Variants in HOMER2 observed in about 807,000 individuals in gnomAD.
HOMER2 encodes homer scaffold protein 2.
Under a neutral mutation model 47.0 loss-of-function variants are expected in HOMER2, and 27 were observed. That is an observed-to-expected ratio of 0.57 (90% confidence interval 0.42 to 0.79). HOMER2 has a LOEUF of 0.79. Ranked by LOEUF, HOMER2 falls within the 30% of genes least tolerant of loss-of-function variation. HOMER2 has a pLI of 0.00. For synonymous variants in HOMER2, 161 were observed against 163.8 expected, an observed-to-expected ratio of 0.98 and a Z score of 0.13; for missense variants, 443 against 435.0, an observed-to-expected ratio of 1.02 and a Z score of -0.16.
rs747626361 is a variant in HOMER2, at chr15:82,859,110, T to C, written c.413A>G (p.Asp138Gly). Residue 138 changes from aspartate (D) to glycine (G), a missense_variant, in exon 5 of 9, where the codon GAT (aspartate) becomes GGT (glycine). Transcript: ENST00000450735. ...SQASSVNGTD[D>G]EKASHAGPAN... ...TGGACCGGCGTGAGAGGCCTTTTCATCGTCCGTCCCGTTGACACTGGATGC... is the reference window on the plus strand; with the variant it reads ...TGGACCGGCGTGAGAGGCCTTTTCACCGTCCGTCCCGTTGACACTGGATGC... 23 of 1,613,900 alleles carry C rather than the reference T, an allele frequency of 1.4e-5. No individual in the cohort carries two copies. Among genetic ancestry groups the C allele is most frequent in the Non-Finnish European group, 1.9e-5 (22 of 1,179,890 alleles).
At chr15:82,980,806 C>T (rs2030366392) in intron 1 of HOMER2, among the ~76,000 whole-genome samples, 1 of 152,158 alleles carries the variant, frequency 6.6e-6, no homozygotes, top group Non-Finnish European at 1.5e-5. Flanking sequence ...CAACTTTTCC[C>T]TAGTGAACTT....
chr15:82,854,540 G>A (rs938713357), intron 6 of HOMER2, 104 bp downstream of exon 6: 42 of 1,251,616 alleles, frequency 3.4e-5, no homozygotes, highest in Non-Finnish European at 4.3e-5. Flanking sequence ...CTGGCCATGG[G>A]GATAAGGGCA....
intron 1 of HOMER2, among the ~76,000 whole-genome samples, chr15:82,938,627 C>T (rs559002788): frequency 2.0e-5 from 3 of 152,314 alleles, no homozygotes; most frequent in Admixed American, 6.5e-5. Flanking sequence ...GGTCCTTCTA[C>T]CCTGACTCAC....
chr15:82,915,679 A>T (rs943556617), intron 1 of HOMER2, among the ~76,000 whole-genome samples: 12 of 152,204 alleles, frequency 7.9e-5, no homozygotes, highest in Non-Finnish European at 7.3e-5. Context: ...TCAAATAAAT[A>T]GATAAATAAA....
chr15:82,945,221 A>T (rs889080816), intron 1 of HOMER2, among the ~76,000 whole-genome samples: 1 of 108,004 alleles, frequency 9.3e-6, no homozygotes, highest in Non-Finnish European at 1.8e-5. Context: ...AAAATGTCTT[A>T]AAAAAAAAAA....
intron 1 of HOMER2, among the ~76,000 whole-genome samples, chr15:82,929,383 C>T (rs1360148910): frequency 2.0e-5 from 3 of 152,042 alleles, no homozygotes; most frequent in Non-Finnish European, 4.4e-5. Flanking sequence ...AGGCCAGGCA[C>T]GGTGGCTCAC....
At chr15:82,963,473 G>A (rs1340501667) in intron 1 of HOMER2, among the ~76,000 whole-genome samples, 2 of 152,156 alleles carry the variant, frequency 1.3e-5, no homozygotes, top group Non-Finnish European at 2.9e-5. Flanking sequence ...AAAAGCACTA[G>A]AAGGAATAGA....
At chr15:82,896,122 T>C (rs1285559754) in intron 1 of HOMER2, among the ~76,000 whole-genome samples, 1 of 151,852 alleles carries the variant, frequency 6.6e-6, no homozygotes, top group Non-Finnish European at 1.5e-5. Flanking sequence ...ACAGGGTCTC[T>C]GGATGCAAAG....
intron 5 of HOMER2, among the ~76,000 whole-genome samples, chr15:82,858,285 TTC>T (rs546869538): frequency 8.2e-4 from 125 of 152,010 alleles, no homozygotes; most frequent in Middle Eastern, 3.4e-3. Context: ...ATGTTCAAAA[TTC>T]TTTTTTTTTT....
chr15:82,857,650 C>A (rs1179263169), intron 5 of HOMER2, among the ~76,000 whole-genome samples: 1 of 151,972 alleles, frequency 6.6e-6, no homozygotes, highest in African/African-American at 2.4e-5. Context: ...AGGCTGGTCT[C>A]GAACTCCTGA....
rs1176073764 is a variant in HOMER2, at chr15:82,864,143, T to G, written c.387+24A>C. The G allele has an allele frequency of 2.6e-6, 4 of 1,512,276 alleles. No homozygotes were observed. The Middle Eastern group carries it at 5.1e-4, about 194-fold the overall frequency. The allele number at this position is 1,512,276 out of a possible 1,614,324, so 93.7% of individuals were successfully genotyped here. On this transcript the variant is annotated intron_variant, in intron 4 of 8. Coordinates refer to ENST00000450735, the MANE Select transcript of HOMER2 (RefSeq NM_004839.4). ...TCCCTATCACCAACCCCACTGGGAT[T>G]TACTTCATAGACTAATGTCTTACTT...
chr15:82,871,558 A>C (rs1355907045), intron 3 of HOMER2, among the ~76,000 whole-genome samples: 1 of 152,132 alleles, frequency 6.6e-6, no homozygotes, highest in African/African-American at 2.4e-5. Flanking sequence ...TCCTTCAGAG[A>C]GCAGGGGAAG....
Position 82,868,523 on chromosome 15 carries a change from T to TTATA in HOMER2, c.295-4268_295-4265dup, listed in dbSNP as rs1244361918. Reference sequence around the variant, plus strand: ...AAGTTATATATATCACTTATTTATTTTATATATATATATATATATTTTTTT... The same window carrying TTATA: ...AAGTTATATATATCACTTATTTATTTTATATATATATATATATATATATTTTTTT... On this transcript the variant is annotated intron_variant, in intron 3 of 8. Transcript: ENST00000450735. Among the ~76,000 whole-genome samples, 220 of 36,630 alleles carry TTATA rather than the reference T, an allele frequency of 6.0e-3. 16 individuals carry two copies. Among genetic ancestry groups the TTATA allele is most frequent in the African/African-American group, 0.011 (101 of 8,878 alleles). 24.0% of individuals were successfully genotyped at this position (36,630 alleles called of 152,430 possible). A position where few individuals can be genotyped will look rare whatever the true frequency, so the allele number is the denominator to read the frequency against.
At chr15:82,852,554 T>G (rs1567012366) in intron 6 of HOMER2, 4 of 298,464 alleles carry the variant, frequency 1.3e-5, no homozygotes. Flanking sequence ...CTCATGGCCG[T>G]GAAGAAGTAG....
intron 1 of HOMER2, among the ~76,000 whole-genome samples, chr15:82,908,625 A>G (rs2053356671): frequency 6.6e-6 from 1 of 152,110 alleles, no homozygotes; most frequent in Admixed American, 6.6e-5. Flanking sequence ...CTCAATGTCC[A>G]CATTGTAGGG....
Position 82,854,638 on chromosome 15 carries a change from A to AC in HOMER2, c.651+5dup. 6.2e-7 allele frequency: 1 copy of AC among 1,610,724 alleles called. No homozygotes were observed. Among genetic ancestry groups the AC allele is most frequent in the Non-Finnish European group, 8.5e-7 (1 of 1,178,866 alleles). Reference sequence around the variant, plus strand: ...CCTCGGGGCTCACTGCATCCACCGTACCCACCTTGTTGCGGAGCCGGTCAT... The same window carrying AC: ...CCTCGGGGCTCACTGCATCCACCGTACCCCACCTTGTTGCGGAGCCGGTCAT... On this transcript the variant is annotated splice_donor_region_variant and intron_variant, in intron 6 of 8. Coordinates refer to ENST00000450735, the MANE Select transcript of HOMER2 (RefSeq NM_004839.4).
At chr15:82,853,073 G>C (rs980026397) in intron 6 of HOMER2, among the ~76,000 whole-genome samples, 3 of 152,224 alleles carry the variant, frequency 2.0e-5, no homozygotes, top group African/African-American at 4.8e-5. Context: ...TGACATGAAG[G>C]GCACCGAGGA....
At chr15:82,930,952 G>A (rs1311981446) in intron 1 of HOMER2, among the ~76,000 whole-genome samples, 1 of 152,118 alleles carries the variant, frequency 6.6e-6, no homozygotes, top group African/African-American at 2.4e-5. Context: ...ACTTGAACCC[G>A]GGAGGCGGAG....
chr15:82,892,677 G>T lies in HOMER2; in HGVS notation c.162+8C>A. ...TGGGAGTATTAAAATCAGCTGAGGG[G>T]GTGGTACCTTGGCTCCGTCCACACT... is the stretch of plus-strand genomic sequence containing the variant. On this transcript the variant is annotated splice_region_variant and intron_variant, in intron 2 of 8. Transcript: ENST00000450735. The T allele has an allele frequency of 6.6e-7, 1 of 1,523,356 alleles. No homozygotes were observed. The highest frequency in any genetic ancestry group is 2.3e-5 in the East Asian group (1 of 43,534). The allele number at this position is 1,523,356 out of a possible 1,614,324, so 94.4% of individuals were successfully genotyped here. A position where few individuals can be genotyped will look rare whatever the true frequency, so the allele number is the denominator to read the frequency against.
Sources: gnomAD v4.1 joint callset for allele counts (sites outside exome capture counted in the v4.1 genomes callset) on GRCh38, gnomAD v4.1.1 for gene constraint, MANE v1.5 for transcripts, NCBI Gene and HGNC (gene_info 2026-07-23, HGNC 2026-07-21) for gene names.